STAT1: variants seen among roughly 807,000 people sequenced by gnomAD.
STAT1 encodes the protein signal transducer and activator of transcription 1-alpha/beta.
In STAT1, 24 loss-of-function variants were observed where a neutral mutation model predicts 111.7. The observed-to-expected ratio is 0.21, with a 90% CI of 0.16 to 0.30. STAT1 has a LOEUF of 0.30. Ranked by LOEUF, STAT1 falls within the 10% of genes least tolerant of loss-of-function variation. STAT1 has a pLI of 1.00. For missense variants in STAT1, 351 were observed against 911.9 expected, an observed-to-expected ratio of 0.38 and a Z score of 7.92; for synonymous variants, 332 against 326.5, an observed-to-expected ratio of 1.02 and a Z score of -0.18.
At chr2:190,992,934 C>T (rs1490623250) in intron 10 of STAT1, among the ~76,000 whole-genome samples, 2 of 151,974 alleles carry the variant, frequency 1.3e-5, no homozygotes, top group Non-Finnish European at 2.9e-5. Flanking sequence ...GGATTACAGG[C>T]GCCCGCCACC....
At chr2:191,010,136 T>G in intron 2 of STAT1, 132 bp from the exon 3 acceptor site, 1 of 1,131,120 alleles carries the variant, frequency 8.8e-7, no homozygotes, top group South Asian at 1.4e-5. Flanking sequence ...CAGGAATATT[T>G]TATTTAAATG....
At chr2:190,994,817 G>A (rs990829191) in intron 10 of STAT1, among the ~76,000 whole-genome samples, 1 of 151,304 alleles carries the variant, frequency 6.6e-6, no homozygotes, top group Non-Finnish European at 1.5e-5. Flanking sequence ...TTGGGAGGCT[G>A]AGGCAGGAGG....
Position 190,978,107 on chromosome 2 carries a change from A to G in STAT1, c.1873+749T>C, listed in dbSNP as rs972978897. On this transcript the variant is annotated intron_variant, in intron 21 of 24. Coordinates refer to ENST00000361099, the MANE Select transcript of STAT1 (RefSeq NM_007315.4). This position sits in a 1 kb window ranked among gnomAD's most constrained non-coding sequence, Gnocchi z 6.1. ...AGAGGAATATTTCAGAAAAATAAATAGAACAAGAAGAGTATTCCATTTTGT... is the reference window on the plus strand; with the variant it reads ...AGAGGAATATTTCAGAAAAATAAATGGAACAAGAAGAGTATTCCATTTTGT... Among the ~76,000 whole-genome samples the G allele has an allele frequency of 1.3e-5, 2 of 152,252 alleles. No homozygotes were observed. Among genetic ancestry groups the G allele is most frequent in the African/African-American group, 2.4e-5 (1 of 41,470 alleles).
Position 190,985,773 on chromosome 2 carries a change from T to G in STAT1, c.1222-113A>C, listed in dbSNP as rs554800873. Reference sequence around the variant, plus strand: ...AGAAAGAATGACAGACGTGACTTTATCTTTAGAATGCAGAACATGGGACAA... The same window carrying G: ...AGAAAGAATGACAGACGTGACTTTAGCTTTAGAATGCAGAACATGGGACAA... On this transcript the variant is annotated intron_variant, in intron 14 of 24. Coordinates refer to ENST00000361099, the MANE Select transcript of STAT1 (RefSeq NM_007315.4). 96 of 1,161,016 alleles carry G rather than the reference T, an allele frequency of 8.3e-5. No individual in the cohort carries two copies. In the East Asian group the frequency reaches 2.4e-3, roughly 29 times the overall value. The allele number at this position is 1,161,016 out of a possible 1,614,324, so 71.9% of individuals were successfully genotyped here. A position where few individuals can be genotyped will look rare whatever the true frequency, so the allele number is the denominator to read the frequency against.
chr2:190,993,250 C>T lies in STAT1; in HGVS notation c.944+1811G>A. ...CACTGGGATAATGATCTATTTTCTG[C>T]AGTCACTGTTTAATATTATTGAAGG... On this transcript the variant is annotated intron_variant, in intron 10 of 24. Transcript: ENST00000361099. The surrounding 1 kb of genome is among the most constrained non-coding windows in gnomAD (Gnocchi z 4.1). 1 of 596,628 alleles carries T rather than the reference C, an allele frequency of 1.7e-6. No homozygotes were observed. The highest frequency in any genetic ancestry group is 1.7e-5 in the South Asian group (1 of 58,816). 37.0% of individuals were successfully genotyped at this position (596,628 alleles called of 1,614,324 possible). A position where few individuals can be genotyped will look rare whatever the true frequency, so the allele number is the denominator to read the frequency against.
chr2:190,994,711 A>C (rs1435768079), intron 10 of STAT1, among the ~76,000 whole-genome samples: 1 of 151,918 alleles, frequency 6.6e-6, no homozygotes, highest in African/African-American at 2.4e-5. Flanking sequence ...ACCTGAGTTC[A>C]GGAGTTGGAG....
chr2:190,991,443 T>G (rs1211936809), intron 10 of STAT1, 123 bp from the exon 11 acceptor site: 8 of 898,256 alleles, frequency 8.9e-6, no homozygotes, highest in Non-Finnish European at 1.4e-5. Flanking sequence ...ATTTGAAAGA[T>G]TCTGACAAGT....
rs1185252170 is a variant in STAT1, at chr2:190,980,469, A to T, written c.1632+151T>A. 1.0e-5 allele frequency: 9 copies of T among 880,418 alleles called. No individual in the cohort carries two copies. The highest frequency in any genetic ancestry group is 1.7e-5 in the Non-Finnish European group (9 of 537,782). The allele number at this position is 880,418 out of a possible 1,614,324, so 54.5% of individuals were successfully genotyped here. A position where few individuals can be genotyped will look rare whatever the true frequency, so the allele number is the denominator to read the frequency against. The stretch of plus-strand genomic sequence containing the variant: ...CGGAGACCAACCTCCTGCACTGAAG[A>T]AAAGTAAACAACTTGCCCGAGGGGC... On this transcript the variant is annotated intron_variant, in intron 19 of 24. Coordinates refer to ENST00000361099, the MANE Select transcript of STAT1 (RefSeq NM_007315.4). This position sits in a 1 kb window ranked among gnomAD's most constrained non-coding sequence, Gnocchi z 6.1.
Position 190,987,252 on chromosome 2 carries a change from A to C in STAT1, c.1098-184T>G, listed in dbSNP as rs1407054282. ...CCATCTACCCATACTAGGTCTGGCA[A>C]GTATCACTGAATGACCTTTGGCAAA... On this transcript the variant is annotated intron_variant, in intron 12 of 24. Coordinates refer to ENST00000361099, the MANE Select transcript of STAT1 (RefSeq NM_007315.4). This position sits in a 1 kb window ranked among gnomAD's most constrained non-coding sequence, Gnocchi z 4.0. 6.6e-6 allele frequency among the ~76,000 whole-genome samples: 1 copy of C among 152,212 alleles called. No individual in the cohort carries two copies. Among genetic ancestry groups the C allele is most frequent in the African/African-American group, 2.4e-5 (1 of 41,444 alleles).
chr2:190,972,401 A>T lies in STAT1; in HGVS notation c.2239-1684T>A, dbSNP rs1446659479. Among the ~76,000 whole-genome samples the T allele has an allele frequency of 2.6e-5, 4 of 152,248 alleles. No individual in the cohort carries two copies. In the South Asian group the frequency reaches 8.3e-4, roughly 31 times the overall value. ...TCCAGACTAAACAAATGCCCAAGTCATACTGCAGAGAACACTGGTGCTCTG... is the reference window on the plus strand; with the variant it reads ...TCCAGACTAAACAAATGCCCAAGTCTTACTGCAGAGAACACTGGTGCTCTG... On this transcript the variant is annotated intron_variant, in intron 24 of 24. Transcript: ENST00000361099.
Position 190,980,771 on chromosome 2 carries a change from C to A in STAT1, c.1583-102G>T. 1 of 1,149,664 alleles carries A rather than the reference C, an allele frequency of 8.7e-7. No homozygotes were observed. Among genetic ancestry groups the A allele is most frequent in the Non-Finnish European group, 1.3e-6 (1 of 769,224 alleles). 71.2% of individuals were successfully genotyped at this position (1,149,664 alleles called of 1,614,324 possible). A position where few individuals can be genotyped will look rare whatever the true frequency, so the allele number is the denominator to read the frequency against. On this transcript the variant is annotated intron_variant, in intron 18 of 24. Transcript: ENST00000361099. The surrounding 1 kb of genome is among the most constrained non-coding windows in gnomAD (Gnocchi z 6.1). Reference sequence around the variant, plus strand: ...TTTGCTCTCAAGGAAAAGAGCCAAACACCCAACAAAGATTGTATGTACACA... The same window carrying A: ...TTTGCTCTCAAGGAAAAGAGCCAAAAACCCAACAAAGATTGTATGTACACA...
At position 190,975,756 on chromosome 2, in the gene STAT1, C is replaced by T; in HGVS notation, c.2135+56G>A. On this transcript the variant is annotated intron_variant, in intron 23 of 24. Transcript: ENST00000361099. The surrounding 1 kb of genome is among the most constrained non-coding windows in gnomAD (Gnocchi z 5.9). The stretch of plus-strand genomic sequence containing the variant: ...ACAAGCATCTTCAACAGGCCCCAGC[C>T]AGGAGCAAGGCTGGCTTGAGGTTTG... The T allele has an allele frequency of 6.2e-7, 1 of 1,611,858 alleles. No individual in the cohort carries two copies. The highest frequency in any genetic ancestry group is 8.5e-7 in the Non-Finnish European group (1 of 1,178,896).
At position 190,998,201 on chromosome 2, in the gene STAT1, GA is replaced by G. The variant is rs765672622; in HGVS notation, c.633+15del. 1.2e-6 allele frequency: 2 copies of G among 1,606,672 alleles called. No individual in the cohort carries two copies. The highest frequency in any genetic ancestry group is 2.2e-5 in the South Asian group (2 of 90,948). ...ATAACAAAAGTGGCATGCTATTCTG[GA>G]AAGTAAATAACTACCTTTCTCTTAT... On this transcript the variant is annotated intron_variant, in intron 8 of 24. Coordinates refer to ENST00000361099, the MANE Select transcript of STAT1 (RefSeq NM_007315.4). This position sits in a 1 kb window ranked among gnomAD's most constrained non-coding sequence, Gnocchi z 4.1.
chr2:190,981,617 C>A lies in STAT1; in HGVS notation c.1582+766G>T, dbSNP rs1471215011. On this transcript the variant is annotated intron_variant, in intron 18 of 24. Transcript: ENST00000361099. This position sits in a 1 kb window ranked among gnomAD's most constrained non-coding sequence, Gnocchi z 4.1. ...GACCACCACTGTGACAGCTGCATATCCAAGAGAAGAAGGCACTGTTGAAAG... is the reference window on the plus strand; with the variant it reads ...GACCACCACTGTGACAGCTGCATATACAAGAGAAGAAGGCACTGTTGAAAG... 6.6e-6 allele frequency among the ~76,000 whole-genome samples: 1 copy of A among 152,204 alleles called. No individual in the cohort carries two copies. The highest frequency in any genetic ancestry group is 1.5e-5 in the Non-Finnish European group (1 of 68,036).
rs907298238 is a variant in STAT1, at chr2:191,006,257, G to C, written c.372+1306C>G. ...AATCTCCCAGGTATATGCCAGGTTAGAGACAGGCACACCTCTTTCAGAGGA... is the reference window on the plus strand; with the variant it reads ...AATCTCCCAGGTATATGCCAGGTTACAGACAGGCACACCTCTTTCAGAGGA... On this transcript the variant is annotated intron_variant, in intron 5 of 24. Transcript: ENST00000361099. This position sits in a 1 kb window ranked among gnomAD's most constrained non-coding sequence, Gnocchi z 4.6. Among the ~76,000 whole-genome samples the C allele has an allele frequency of 6.6e-6, 1 of 152,210 alleles. No homozygotes were observed. Among genetic ancestry groups the C allele is most frequent in the Non-Finnish European group, 1.5e-5 (1 of 68,038 alleles).
rs760391069 is a variant in STAT1 at position 190,976,903 on chromosome 2, A to T, written c.1996T>A (p.Tyr666Asn). The T allele has an allele frequency of 6.2e-7, 1 of 1,614,194 alleles. No individual in the cohort carries two copies. Among genetic ancestry groups the T allele is most frequent in the Admixed American group, 1.7e-5 (1 of 60,024 alleles). Residue 666 changes from tyrosine to asparagine, a missense_variant, in exon 22 of 25, where the codon TAT becomes AAT. Coordinates refer to ENST00000361099, the MANE Select transcript of STAT1 (RefSeq NM_007315.4). The surrounding 1 kb of genome is among the most constrained non-coding windows in gnomAD (Gnocchi z 6.0). The stretch of plus-strand genomic sequence containing the variant: ...TCTTTGTCAATATTTGGATACAGAT[A>T]CTTCAGGGGATTCTCAGGAATATTC... ...AENIPENPLK[Y>N]LYPNIDKDHA... is the part of the protein sequence containing the mutation.
rs1559011899 is a variant in STAT1 at position 190,986,955 on chromosome 2, A to G, written c.1128-8T>C. 1 of 1,614,004 alleles carries G rather than the reference A, an allele frequency of 6.2e-7. No homozygotes were observed. The highest frequency in any genetic ancestry group is 1.7e-5 in the Admixed American group (1 of 60,034). ...ATGTTGAACTTCCTAAATCTATACA[A>G]TATAGGAAAGAAATGCTGAAAAGTC... On this transcript the variant is annotated splice_polypyrimidine_tract_variant and splice_region_variant and intron_variant, in intron 13 of 24. Transcript: ENST00000361099. This position sits in a 1 kb window ranked among gnomAD's most constrained non-coding sequence, Gnocchi z 5.0.
chr2:190,972,659 C>T (rs1461132383), intron 24 of STAT1, among the ~76,000 whole-genome samples: 3 of 152,084 alleles, frequency 2.0e-5, no homozygotes, highest in Non-Finnish European at 4.4e-5. Context: ...TGAAGTCAAC[C>T]CAATTTAGAG....
At chr2:191,013,139 A>G (rs186196376) in intron 2 of STAT1, among the ~76,000 whole-genome samples, 3 of 152,350 alleles carry the variant, frequency 2.0e-5, no homozygotes, top group African/African-American at 7.2e-5. Context: ...AATTATGTAT[A>G]TTTCAGACGG....
Sources: gnomAD v4.1 joint callset for allele counts (sites outside exome capture counted in the v4.1 genomes callset) on GRCh38, gnomAD v4.1.1 for gene constraint, Gnocchi (gnomAD v3.1) non-coding constraint, MANE v1.5 for transcripts, NCBI Gene and HGNC (gene_info 2026-07-23, HGNC 2026-07-21) for gene names.